Variants in MCMDC2 observed in about 807,000 individuals in gnomAD.
MCMDC2 encodes the protein minichromosome maintenance domain-containing protein 2.
Under a neutral mutation model 75.8 loss-of-function variants are expected in MCMDC2, and 54 were observed. That is an observed-to-expected ratio of 0.71 (90% CI 0.57 to 0.89). The LOEUF is 0.89. Among genes scored for constraint, MCMDC2 ranks in the 40% least tolerant of loss-of-function variants. The probability of loss-of-function intolerance (pLI) is 0.00; values close to 1 mark genes in which losing one functional copy is unlikely to be tolerated. For missense variants in MCMDC2, 656 were observed against 780.4 expected, an observed-to-expected ratio of 0.84 and a Z score of 1.90; for synonymous variants, 249 against 274.6, an observed-to-expected ratio of 0.91 and a Z score of 0.92.
At chr8:66,914,321 A>C (rs1813229152) in intron 14 of MCMDC2, among the ~76,000 whole-genome samples, 1 of 151,740 alleles carries the variant, frequency 6.6e-6, no homozygotes, top group African/African-American at 2.4e-5. Context: ...ACACTAATGA[A>C]TATATAATAC....
intron 10 of MCMDC2, among the ~76,000 whole-genome samples, chr8:66,893,670 G>A (rs995120451): frequency 5.3e-5 from 8 of 152,164 alleles, no homozygotes; most frequent in South Asian, 4.1e-4. Flanking sequence ...CCCACAACAC[G>A]TGGGAGTTCA....
Position 66,874,097 on chromosome 8 carries a change from C to T in MCMDC2, c.-44C>T. ...GAGTTTCGCCATCTATAGCTTTTAT[C>T]AACAATTGTGGTTTAATCAATTAGA... On this transcript the variant is annotated 5_prime_UTR_variant, in exon 2 of 15. The change creates a premature stop within an existing upstream ORF in the 5' untranslated region. Coordinates refer to ENST00000422365, the MANE Select transcript of MCMDC2 (RefSeq NM_173518.5). The T allele has an allele frequency of 1.4e-6, 2 of 1,399,720 alleles. No homozygotes were observed. Among genetic ancestry groups the T allele is most frequent in the Non-Finnish European group, 2.0e-6 (2 of 1,024,420 alleles). The allele number at this position is 1,399,720 out of a possible 1,614,324, so 86.7% of individuals were successfully genotyped here.
In MCMDC2 at chr8:66,877,495, A is replaced by G. The variant is rs531437938; in HGVS notation, c.432A>G (p.Thr144=). ...VIAMTTITKY[T]QGARFLCSDE... Reference sequence around the variant, plus strand: ...CAATGACAACTATAACCAAGTATACACAAGGGGCAAGATTTCTTTGTTCAG... The same window carrying G: ...CAATGACAACTATAACCAAGTATACGCAAGGGGCAAGATTTCTTTGTTCAG... The change falls in exon 5 of 15, where the codon ACA becomes ACG. Residue 144 remains threonine, a synonymous_variant. Coordinates refer to ENST00000422365, the MANE Select transcript of MCMDC2 (RefSeq NM_173518.5). 29 of 1,610,372 alleles carry G rather than the reference A, an allele frequency of 1.8e-5. No homozygotes were observed. In the East Asian group the frequency reaches 6.0e-4, roughly 34 times the overall value.
Position 66,919,047 on chromosome 8 carries a change from GA to G in MCMDC2, c.1926del (p.Glu642AspfsTer8), listed in dbSNP as rs907958911. The stretch of plus-strand genomic sequence containing the variant: ...TGCTCCGAATGCAGTATTTCCATTT[GA>G]ACTGTATAATGAAGAATACTTAGAG... The part of the protein sequence containing the change: ...CVAPNAVFPF[E>X]LYNEEYLEQR... On this transcript the variant is annotated frameshift_variant, in exon 15 of 15. Transcript: ENST00000422365. LOFTEE classifies it high-confidence loss of function. 1.3e-6 allele frequency: 2 copies of G among 1,542,496 alleles called. No homozygotes were observed. The highest frequency in any genetic ancestry group is 2.8e-5 in the African/African-American group (2 of 72,678).
chr8:66,888,852 T>TA (rs1189142951), intron 9 of MCMDC2, among the ~76,000 whole-genome samples: 1 of 152,202 alleles, frequency 6.6e-6, no homozygotes, highest in Non-Finnish European at 1.5e-5. Context: ...GGAGAATTTT[T>TA]AAAAAATATT....
intron 13 of MCMDC2, among the ~76,000 whole-genome samples, chr8:66,904,265 T>G (rs1459005761): frequency 6.6e-6 from 1 of 152,144 alleles, no homozygotes; most frequent in Non-Finnish European, 1.5e-5. Context: ...CTGAAAATTA[T>G]GTCTCATAGC....
At chr8:66,878,742 CTG>C in intron 6 of MCMDC2, 46 bp downstream of exon 6, 1 of 1,457,556 alleles carries the variant, frequency 6.9e-7, no homozygotes, top group Non-Finnish European at 9.3e-7. Flanking sequence ...AAAATAGTGT[CTG>C]ATATTTCAAT....
intron 12 of MCMDC2, among the ~76,000 whole-genome samples, 179 bp downstream of exon 12, chr8:66,897,138 G>A (rs1812393965): frequency 6.6e-6 from 1 of 152,104 alleles, no homozygotes. Context: ...CTGGTGTGGT[G>A]GCTCATGCCT....
chr8:66,888,231 C>T (rs1409274348), intron 9 of MCMDC2, among the ~76,000 whole-genome samples: 2 of 151,986 alleles, frequency 1.3e-5, no homozygotes, highest in Non-Finnish European at 2.9e-5. Context: ...GAGGCGTGAA[C>T]CACCACATCT....
In MCMDC2 at chr8:66,905,300, CCTTA is replaced by C. The variant is rs1476184067; in HGVS notation, c.1847_1850del (p.Leu616TyrfsTer8). 1 of 1,486,190 alleles carries C rather than the reference CCTTA, an allele frequency of 6.7e-7. No individual in the cohort carries two copies. The highest frequency in any genetic ancestry group is 2.2e-5 in the Admixed American group (1 of 45,238). The allele number at this position is 1,486,190 out of a possible 1,614,324, so 92.1% of individuals were successfully genotyped here. ...CTTAAAGAAGATGTGCTGATTGCAGCCTTACTATTTGAAACATCCCTCACATTGA... is the reference window on the plus strand; with the variant it reads ...CTTAAAGAAGATGTGCTGATTGCAGCCTATTTGAAACATCCCTCACATTGA... On this transcript the variant is annotated frameshift_variant, in exon 14 of 15. Transcript: ENST00000422365. LOFTEE classifies it high-confidence loss of function.
At chr8:66,888,992 G>C (rs1040849282) in intron 9 of MCMDC2, among the ~76,000 whole-genome samples, 9 of 152,186 alleles carry the variant, frequency 5.9e-5, no homozygotes, top group African/African-American at 1.9e-4. Context: ...TTATAGGCTT[G>C]CAAAGGTTTC....
In MCMDC2 at chr8:66,880,855, C is replaced by A; in HGVS notation, c.716C>A (p.Ser239Ter). ...QSLTIFLRDE[S>*]VNKMNIGNEY... ...CTGTCTTTAATAATTTTAGATGAAT[C>A]AGTGAATAAAATGAATATAGGAAAT... is the stretch of plus-strand genomic sequence containing the variant. The change falls in exon 8 of 15, where the codon TCA becomes TAA. Residue 239 changes from serine to a stop codon, truncating the protein, a stop_gained. Transcript: ENST00000422365. LOFTEE classifies it high-confidence loss of function. 1 of 1,528,314 alleles carries A rather than the reference C, an allele frequency of 6.5e-7. No homozygotes were observed. The highest frequency in any genetic ancestry group is 2.1e-5 in the Admixed American group (1 of 46,854). The allele number at this position is 1,528,314 out of a possible 1,614,324, so 94.7% of individuals were successfully genotyped here. A position where few individuals can be genotyped will look rare whatever the true frequency, so the allele number is the denominator to read the frequency against.
chr8:66,878,905 C>A lies in MCMDC2; in HGVS notation c.695C>A (p.Thr232Lys). The change falls in exon 7 of 15, where the codon ACA (threonine) becomes AAA (lysine). Residue 232 changes from threonine to lysine, a missense_variant. Physicochemically the swap from Thr to Lys is moderately conservative, Grantham distance 78. Transcript: ENST00000422365. ...NNQPFRFQSLTIFLRDESVNK... is the reference protein window; with the variant it reads ...NNQPFRFQSLKIFLRDESVNK... ...CAGCCATTTAGGTTTCAATCACTTA[C>A]AATTTTCCTAAGAGGTAAGTGAATT... 6.2e-7 allele frequency: 1 copy of A among 1,601,858 alleles called. No individual in the cohort carries two copies. The highest frequency in any genetic ancestry group is 8.5e-7 in the Non-Finnish European group (1 of 1,172,010).
intron 5 of MCMDC2, among the ~76,000 whole-genome samples, chr8:66,878,036 G>A (rs778092405): frequency 1.1e-4 from 16 of 148,576 alleles, no homozygotes; most frequent in Admixed American, 4.7e-4. Context: ...TTTCTCCCCC[G>A]CCCCCATCTT....
At chr8:66,915,793 G>T (rs982708099) in intron 14 of MCMDC2, among the ~76,000 whole-genome samples, 1 of 152,082 alleles carries the variant, frequency 6.6e-6, no homozygotes, top group Admixed American at 6.6e-5. Context: ...CCCCAGGACT[G>T]CCCTTGAAGA....
intron 4 of MCMDC2, among the ~76,000 whole-genome samples, chr8:66,876,157 T>G (rs1231966248): frequency 6.6e-6 from 1 of 152,236 alleles, no homozygotes; most frequent in African/African-American, 2.4e-5. Flanking sequence ...TGATGTTCAT[T>G]GCCTAGAATT....
chr8:66,891,417 G>A (rs1812100381), intron 10 of MCMDC2, among the ~76,000 whole-genome samples: 2 of 152,162 alleles, frequency 1.3e-5, no homozygotes. Context: ...AAAGCTTCAA[G>A]TTTCTCACCA....
At chr8:66,880,252 GGC>G (rs1811496047) in intron 7 of MCMDC2, among the ~76,000 whole-genome samples, 1 of 152,100 alleles carries the variant, frequency 6.6e-6, no homozygotes, top group Non-Finnish European at 1.5e-5. Context: ...TTACATGCTG[GGC>G]ATGGTGGTTT....
intron 10 of MCMDC2, among the ~76,000 whole-genome samples, chr8:66,894,312 T>C (rs886249930): frequency 6.6e-6 from 1 of 152,222 alleles, no homozygotes; most frequent in African/African-American, 2.4e-5. Flanking sequence ...GAAACACAAA[T>C]GACCAAGTAG....
Sources: allele counts gnomAD v4.1 joint callset (sites outside exome capture counted in the v4.1 genomes callset), GRCh38; gene constraint gnomAD v4.1.1; transcripts MANE v1.5; gene names NCBI Gene and HGNC (gene_info 2026-07-23, HGNC 2026-07-21).